The following GPC6 variants were observed in gnomAD, a reference collection of about 807,000 sequenced individuals.
GPC6 encodes glypican 6.
GPC6 carries 14 observed loss-of-function variants against 55.2 expected under a neutral mutation model. The observed-to-expected ratio is 0.25, with a 90% CI of 0.17 to 0.40. The LOEUF is 0.40. GPC6 is among the 10% of genes least tolerant of loss of function. The probability of loss-of-function intolerance (pLI) is 1.00; values close to 1 mark genes in which losing one functional copy is unlikely to be tolerated. For synonymous variants in GPC6, 278 were observed against 259.6 expected, an observed-to-expected ratio of 1.07 and a Z score of -0.68; for missense variants, 641 against 708.5, an observed-to-expected ratio of 0.90 and a Z score of 1.08.
chr13:93,654,090 T>C (rs1164562274), intron 2 of GPC6, among the ~76,000 whole-genome samples: 1 of 152,146 alleles, frequency 6.6e-6, no homozygotes, highest in Admixed American at 6.5e-5. Context: ...TAACGGTTAG[T>C]TGGGACCATT....
At chr13:93,863,047 C>A (rs2139028494) in intron 3 of GPC6, among the ~76,000 whole-genome samples, 1 of 151,726 alleles carries the variant, frequency 6.6e-6, no homozygotes, top group South Asian at 2.1e-4. Flanking sequence ...CAGTTTTGGC[C>A]TCTCCTTGTT....
At chr13:94,372,382 G>C (rs980064011) in intron 6 of GPC6, among the ~76,000 whole-genome samples, 2 of 152,176 alleles carry the variant, frequency 1.3e-5, no homozygotes, top group African/African-American at 4.8e-5. Flanking sequence ...GAAGCAGGGC[G>C]AGGCATTGCC....
chr13:94,103,999 G>T (rs1430632036), intron 4 of GPC6, among the ~76,000 whole-genome samples: 1 of 152,110 alleles, frequency 6.6e-6, no homozygotes, highest in Non-Finnish European at 1.5e-5. Context: ...TTTTCTTCTA[G>T]GCTTTTTATG....
chr13:94,034,360 A>G (rs1203981582), intron 4 of GPC6, among the ~76,000 whole-genome samples: 1 of 152,144 alleles, frequency 6.6e-6, no homozygotes, highest in African/African-American at 2.4e-5. Context: ...GCATATGTGA[A>G]AGTGTTTTTA....
At chr13:93,748,466 C>T (rs1396688499) in intron 2 of GPC6, among the ~76,000 whole-genome samples, 1 of 151,510 alleles carries the variant, frequency 6.6e-6, no homozygotes, top group Non-Finnish European at 1.5e-5. Flanking sequence ...AAAAGTTTAT[C>T]ACTCAATTTT....
chr13:93,567,088 G>A (rs1299898288), intron 2 of GPC6, among the ~76,000 whole-genome samples: 1 of 152,140 alleles, frequency 6.6e-6, no homozygotes, highest in East Asian at 1.9e-4. Flanking sequence ...CCAGTAATGG[G>A]ATCACTGGGT....
intron 3 of GPC6, among the ~76,000 whole-genome samples, chr13:93,939,547 C>A (rs930757332): frequency 2.0e-5 from 3 of 151,724 alleles, no homozygotes; most frequent in African/African-American, 7.3e-5. Context: ...CTTAGAGTTA[C>A]GTTTTTTTTC....
chr13:93,753,264 G>A (rs1373065820), intron 2 of GPC6, among the ~76,000 whole-genome samples: 3 of 152,026 alleles, frequency 2.0e-5, no homozygotes, highest in Non-Finnish European at 4.4e-5. Context: ...TTTCTTTACC[G>A]CATGGTTCTA....
chr13:94,322,563 A>C (rs577940477), intron 6 of GPC6, among the ~76,000 whole-genome samples: 2 of 152,354 alleles, frequency 1.3e-5, no homozygotes, highest in Non-Finnish European at 2.9e-5. Context: ...TTTTCAGCCC[A>C]GTTAAAATAT....
At chr13:93,313,158 G>T (rs971735544) in intron 1 of GPC6, among the ~76,000 whole-genome samples, 15 of 152,144 alleles carry the variant, frequency 9.9e-5, no homozygotes, top group African/African-American at 3.4e-4. Flanking sequence ...CTCTTGTTTT[G>T]TTTTACACAT....
chr13:94,097,227 G>C (rs998317613), intron 4 of GPC6, among the ~76,000 whole-genome samples: 5 of 152,128 alleles, frequency 3.3e-5, no homozygotes, highest in Admixed American at 3.3e-4. Context: ...ATTGGGCAGG[G>C]CGCGGTGGCT....
intron 4 of GPC6, among the ~76,000 whole-genome samples, chr13:94,163,039 TTTA>T (rs1204189272): frequency 1.3e-5 from 2 of 152,196 alleles, no homozygotes; most frequent in African/African-American, 2.4e-5. Flanking sequence ...TTTAAAACCT[TTTA>T]TTTTCTTCCA....
At position 93,946,228 on chromosome 13, in the gene GPC6, A is replaced by G. The variant is rs1229402246; in HGVS notation, c.712-81501A>G. On this transcript the variant is annotated intron_variant, in intron 3 of 8. Coordinates refer to ENST00000377047, the MANE Select transcript of GPC6 (RefSeq NM_005708.5). ...TCCGCTATAGAGATACAATTCACAC[A>G]GACAACCTCAAAAACATAGGTAGTG... is the stretch of plus-strand genomic sequence containing the variant. Among the ~76,000 whole-genome samples the G allele has an allele frequency of 2.0e-5, 3 of 152,344 alleles. No homozygotes were observed. The East Asian group carries it at 5.8e-4, about 29-fold the overall frequency.
Position 93,880,547 on chromosome 13 carries a change from C to T in GPC6, c.711+50002C>T, listed in dbSNP as rs192720123. On this transcript the variant is annotated intron_variant, in intron 3 of 8. Transcript: ENST00000377047. ...CATGGACACAGGAAGGGGAACATCA[C>T]GCTCTGGGGACTGTTGTGGGGTTGG... Among the ~76,000 whole-genome samples the T allele has an allele frequency of 4.1e-3, 617 of 152,062 alleles. 6 individuals carry two copies. The highest frequency in any genetic ancestry group is 0.018 in the South Asian group (87 of 4,812).
intron 2 of GPC6, among the ~76,000 whole-genome samples, chr13:93,648,191 C>T (rs567695656): frequency 6.6e-6 from 1 of 152,230 alleles, no homozygotes; most frequent in African/African-American, 2.4e-5. Flanking sequence ...TCTCTTGAGA[C>T]TATGATGGGG....
intron 1 of GPC6, among the ~76,000 whole-genome samples, chr13:93,277,092 GTTACATT>G (rs1433484489): frequency 1.3e-5 from 2 of 152,078 alleles, no homozygotes; most frequent in Non-Finnish European, 2.9e-5. Flanking sequence ...TTGTCTCCCT[GTTACATT>G]TCCTATAAGC....
At chr13:93,399,061 G>GTCACAC (rs113842508) in intron 1 of GPC6, among the ~76,000 whole-genome samples, 26 of 150,750 alleles carry the variant, frequency 1.7e-4, no homozygotes, top group African/African-American at 6.4e-4. Flanking sequence ...CACACACACA[G>GTCACAC]ACACACACAC....
rs149378330 is a variant in GPC6, at chr13:93,542,105, A to G, written c.161-3158A>G. ...AGACATGAAGTCCTTGCCCATGCCTATGTCCTGAATGCTAATGCCTAGGTT... is the reference window on the plus strand; with the variant it reads ...AGACATGAAGTCCTTGCCCATGCCTGTGTCCTGAATGCTAATGCCTAGGTT... On this transcript the variant is annotated intron_variant, in intron 1 of 8. Transcript: ENST00000377047. 2.2e-3 allele frequency among the ~76,000 whole-genome samples: 339 copies of G among 152,276 alleles called. 7 individuals are homozygous for G. The East Asian group carries it at 0.058, about 26-fold the overall frequency.
chr13:93,383,695 A>G (rs944547610), intron 1 of GPC6, among the ~76,000 whole-genome samples: 2 of 151,948 alleles, frequency 1.3e-5, no homozygotes, highest in Admixed American at 6.6e-5. Flanking sequence ...AAGAGAAGAA[A>G]CTGTTTTATG....
Sources: gnomAD v4.1 joint callset for allele counts (sites outside exome capture counted in the v4.1 genomes callset) on GRCh38, gnomAD v4.1.1 for gene constraint, MANE v1.5 for transcripts, NCBI Gene and HGNC (gene_info 2026-07-23, HGNC 2026-07-21) for gene names.